DGKB: variants seen among roughly 807,000 people sequenced by gnomAD.
DGKB encodes 90 kDa diacylglycerol kinase.
DGKB carries 67 observed loss-of-function variants against 114.3 expected under a neutral mutation model. The observed-to-expected ratio is 0.59, with a 90% CI of 0.48 to 0.72. The LOEUF (loss-of-function observed/expected upper bound fraction) is 0.72. DGKB is among the 30% of genes least tolerant of loss of function. DGKB has a pLI of 0.00. For missense variants in DGKB, 907 were observed against 975.2 expected (o/e 0.93, Z 0.93); for synonymous variants, 398 against 323.1 (o/e 1.23, Z -2.49).
chr7:14,273,838 G>A (rs1328922394), intron 23 of DGKB, among the ~76,000 whole-genome samples: 1 of 151,974 alleles, frequency 6.6e-6, no homozygotes, highest in Non-Finnish European at 1.5e-5. Flanking sequence ...ATTGAGGTGA[G>A]TATGTATATA....
At chr7:14,761,054 A>G (rs1025544473) in intron 2 of DGKB, among the ~76,000 whole-genome samples, 5 of 152,192 alleles carry the variant, frequency 3.3e-5, no homozygotes, top group African/African-American at 9.6e-5. Context: ...ATCACTATCA[A>G]TTCAACTCAC....
intron 8 of DGKB, among the ~76,000 whole-genome samples, chr7:14,696,221 C>A (rs112211737): frequency 0.015 from 2,208 of 152,132 alleles, 48 homozygotes; most frequent in African/African-American, 0.049. Flanking sequence ...AGGCCGGGCG[C>A]GGTGGCTCAC....
intron 21 of DGKB, among the ~76,000 whole-genome samples, chr7:14,468,302 AG>A (rs1780778389): frequency 1.3e-5 from 2 of 152,036 alleles, no homozygotes; most frequent in African/African-American, 4.8e-5. Context: ...TAATTAGTTT[AG>A]AGGGTCTCTT....
intron 1 of DGKB, among the ~76,000 whole-genome samples, chr7:14,860,360 A>G (rs1586969792): frequency 6.6e-6 from 1 of 152,132 alleles, no homozygotes; most frequent in Middle Eastern, 3.4e-3. Flanking sequence ...TCTTAGATCA[A>G]ATTTGAATTT....
intron 20 of DGKB, among the ~76,000 whole-genome samples, chr7:14,559,858 TTTTTC>T (rs551971231): frequency 3.3e-5 from 5 of 152,012 alleles, no homozygotes; most frequent in African/African-American, 7.2e-5. Flanking sequence ...AATTATTTCT[TTTTTC>T]TTTTCTTTTC....
intron 2 of DGKB, among the ~76,000 whole-genome samples, chr7:14,819,677 G>T (rs367891335): frequency 6.6e-6 from 1 of 152,062 alleles, no homozygotes; most frequent in South Asian, 2.1e-4. Context: ...CACATTTTAC[G>T]AATGAAAAAT....
intron 6 of DGKB, among the ~76,000 whole-genome samples, chr7:14,718,325 C>T (rs560003418): frequency 1.6e-4 from 25 of 152,146 alleles, no homozygotes; most frequent in Non-Finnish European, 2.2e-4. Flanking sequence ...AGGAAATAAT[C>T]AGTAGTAAAT....
At chr7:14,650,141 T>A (rs1350480029) in intron 13 of DGKB, among the ~76,000 whole-genome samples, 56 of 144,204 alleles carry the variant, frequency 3.9e-4, no homozygotes, top group African/African-American at 1.2e-3. Flanking sequence ...CTGCACCAAG[T>A]GGACCTAATA....
intron 1 of DGKB, among the ~76,000 whole-genome samples, chr7:14,889,966 T>C (rs763133590): frequency 3.3e-5 from 5 of 151,506 alleles, no homozygotes; most frequent in Non-Finnish European, 4.4e-5. Context: ...GGGTGATGTA[T>C]AAAAACAATG....
intron 25 of DGKB, chr7:14,176,263 T>C: frequency 1.1e-6 from 1 of 894,674 alleles, no homozygotes; most frequent in Non-Finnish European, 1.3e-6. Flanking sequence ...GTTTTTGAAA[T>C]GCAATAAAAT....
At chr7:14,565,627 C>T (rs1797280178) in intron 20 of DGKB, among the ~76,000 whole-genome samples, 1 of 152,160 alleles carries the variant, frequency 6.6e-6, no homozygotes, top group Non-Finnish European at 1.5e-5. Flanking sequence ...AATGAGACCA[C>T]CTAGTTGTTA....
intron 1 of DGKB, among the ~76,000 whole-genome samples, chr7:14,863,533 T>C (rs1217626967): frequency 1.3e-5 from 2 of 151,930 alleles, no homozygotes; most frequent in South Asian, 2.1e-4. Flanking sequence ...GTAAACATAA[T>C]AGAGATGGGC....
chr7:14,227,233 C>T (rs572875766), intron 23 of DGKB, among the ~76,000 whole-genome samples: 1 of 152,130 alleles, frequency 6.6e-6, no homozygotes, highest in East Asian at 1.9e-4. Flanking sequence ...CAAAAAATTT[C>T]ACTTTGGAGG....
At chr7:14,528,827 C>G (rs1342395049) in intron 20 of DGKB, among the ~76,000 whole-genome samples, 1 of 151,980 alleles carries the variant, frequency 6.6e-6, no homozygotes, top group Non-Finnish European at 1.5e-5. Flanking sequence ...TACAGAAGTG[C>G]CACTGTGCCT....
intron 1 of DGKB, among the ~76,000 whole-genome samples, chr7:14,925,099 A>C (rs2128248607): frequency 6.6e-6 from 1 of 152,328 alleles, no homozygotes; most frequent in South Asian, 2.1e-4. Flanking sequence ...TTATGTATTA[A>C]TAATGTTTTC....
At chr7:14,182,223 A>T (rs1361951320) in intron 23 of DGKB, among the ~76,000 whole-genome samples, 1 of 151,712 alleles carries the variant, frequency 6.6e-6, no homozygotes, top group Non-Finnish European at 1.5e-5. Context: ...ATTAAATTTT[A>T]TTTTTTTTAT....
intron 7 of DGKB, among the ~76,000 whole-genome samples, chr7:14,701,473 A>G (rs1004551729): frequency 6.6e-6 from 1 of 152,190 alleles, no homozygotes; most frequent in Admixed American, 6.5e-5. Flanking sequence ...ATGCTGTGGT[A>G]TGCAAAACTA....
intron 12 of DGKB, among the ~76,000 whole-genome samples, chr7:14,678,834 A>C (rs1403578797): frequency 1.3e-5 from 2 of 151,900 alleles, no homozygotes; most frequent in Non-Finnish European, 2.9e-5. Context: ...TGGAGACAAA[A>C]CCTCAAATCT....
intron 23 of DGKB, among the ~76,000 whole-genome samples, chr7:14,317,469 C>G (rs1261921660): frequency 6.6e-6 from 1 of 151,524 alleles, no homozygotes; most frequent in African/African-American, 2.4e-5. Context: ...GCAAAAATCA[C>G]AAGCATTCCT....
Sources: gnomAD v4.1 joint callset for allele counts (sites outside exome capture counted in the v4.1 genomes callset) on GRCh38, gnomAD v4.1.1 for gene constraint, MANE v1.5 for transcripts, NCBI Gene and HGNC (gene_info 2026-07-23, HGNC 2026-07-21) for gene names.